ATP11A: variants seen among roughly 807,000 people sequenced by gnomAD.
The protein encoded by ATP11A is ATPase phospholipid transporting 11A.
In ATP11A, 81 loss-of-function variants were observed where a neutral mutation model predicts 154.4. The ratio of observed to expected loss-of-function variants is 0.52; its 90% CI spans 0.44 to 0.63. The LOEUF (loss-of-function observed/expected upper bound fraction) is 0.63, where lower values mean the gene tolerates loss of function less well. ATP11A is among the 30% of genes least tolerant of loss of function. The pLI, the probability that ATP11A is intolerant of heterozygous loss-of-function variation, is 0.00. For synonymous variants in ATP11A, 623 were observed against 585.9 expected (o/e 1.06, Z -0.91); for missense variants, 1,316 against 1,474.3 (o/e 0.89, Z 1.76).
Position 112,746,337 on chromosome 13 carries a change from G to C in ATP11A, c.40-38798G>C, listed in dbSNP as rs1241985960. On this transcript the variant is annotated intron_variant, in intron 1 of 29. Coordinates refer to ENST00000375645, the MANE Select transcript of ATP11A (RefSeq NM_015205.3). This position sits in a 1 kb window ranked among gnomAD's most constrained non-coding sequence, Gnocchi z 4.1. ...GCTCCGGTTCCCCACGTCCTCACCG[G>C]GTAACTGGGGTTCCGGCTCCCCACG... 6.6e-6 allele frequency: 1 copy of C among 152,056 alleles called. No homozygotes were observed. The allele number at this position is 152,056 out of a possible 1,614,324, so 9.4% of individuals were successfully genotyped here.
chr13:112,828,605 G>T (rs893367618), intron 12 of ATP11A, among the ~76,000 whole-genome samples: 3 of 152,210 alleles, frequency 2.0e-5, no homozygotes, highest in African/African-American at 4.8e-5. Context: ...GAGTGCAAGG[G>T]AAAGCGCCCA....
chr13:112,823,483 C>A, intron 9 of ATP11A, 74 bp downstream of exon 9: 1 of 1,270,288 alleles, frequency 7.9e-7, no homozygotes, highest in Non-Finnish European at 1.1e-6. Flanking sequence ...AAACCCGCAG[C>A]GGAACCCGAG....
intron 1 of ATP11A, among the ~76,000 whole-genome samples, chr13:112,779,294 T>TGAGTAGCCGCTGGAGTGAG (rs1284118974): frequency 2.4e-4 from 26 of 106,192 alleles, no homozygotes; most frequent in African/African-American, 9.4e-4. Flanking sequence ...GCCACTGGGG[T>TGAGTAGCCGCTGGAGTGAG]GAGTAGCCGC....
chr13:112,810,782 A>G, intron 5 of ATP11A, 56 bp downstream of exon 5: 1 of 1,539,070 alleles, frequency 6.5e-7, no homozygotes, highest in East Asian at 2.3e-5. Context: ...TTTAAAAAAT[A>G]AGTTTTACCC....
At chr13:112,869,488 G>A (rs2080443880) in intron 25 of ATP11A, among the ~76,000 whole-genome samples, 1 of 152,228 alleles carries the variant, frequency 6.6e-6, no homozygotes, top group Admixed American at 6.5e-5. Context: ...TGAGTTGACT[G>A]CAGTTATCAC....
chr13:112,776,794 G>A (rs1208775512), intron 1 of ATP11A, among the ~76,000 whole-genome samples: 3 of 151,944 alleles, frequency 2.0e-5, no homozygotes, highest in Non-Finnish European at 2.9e-5. Context: ...ACGAGGTTTC[G>A]CCATATTGGC....
At chr13:112,708,070 GA>G (rs1887352019) in intron 1 of ATP11A, among the ~76,000 whole-genome samples, 1 of 152,150 alleles carries the variant, frequency 6.6e-6, no homozygotes, top group South Asian at 2.1e-4. Flanking sequence ...TTCAAAAGTG[GA>G]AAAATTGGGC....
intron 25 of ATP11A, among the ~76,000 whole-genome samples, chr13:112,870,578 C>A (rs936831587): frequency 7.2e-5 from 11 of 152,206 alleles, no homozygotes; most frequent in Non-Finnish European, 1.3e-4. Flanking sequence ...GGGGTTTCAC[C>A]ATGTTGGCCA....
At position 112,735,686 on chromosome 13, in the gene ATP11A, G is replaced by C. The variant is rs189797271; in HGVS notation, c.39+45231G>C. ...AAGTGCTAAGTGGTCACAGGGCTTA[G>C]AATCCTGCACCGTGCATCCTCAAAT... On this transcript the variant is annotated intron_variant, in intron 1 of 29. Transcript: ENST00000375645. 1.4e-4 allele frequency among the ~76,000 whole-genome samples: 21 copies of C among 152,300 alleles called. 1 individual carries two copies. The East Asian group carries it at 2.9e-3, about 21-fold the overall frequency.
chr13:112,829,840 A>G (rs773897219), intron 12 of ATP11A, among the ~76,000 whole-genome samples: 21 of 152,258 alleles, frequency 1.4e-4, no homozygotes, highest in Non-Finnish European at 2.4e-4. Context: ...AATTCACTAA[A>G]TTTGCAGGAT....
At chr13:112,844,876 A>G (rs1198576615) in intron 17 of ATP11A, among the ~76,000 whole-genome samples, 1 of 151,248 alleles carries the variant, frequency 6.6e-6, no homozygotes, top group Non-Finnish European at 1.5e-5. Flanking sequence ...AGTACTAATC[A>G]GTCCAGTTGC....
chr13:112,769,542 T>C (rs1436368408), intron 1 of ATP11A, among the ~76,000 whole-genome samples: 1 of 152,208 alleles, frequency 6.6e-6, no homozygotes, highest in Admixed American at 6.5e-5. Flanking sequence ...TTCTAATGCC[T>C]GAGTTTATAG....
chr13:112,852,548 G>A (rs909809877), intron 18 of ATP11A, among the ~76,000 whole-genome samples: 3 of 152,216 alleles, frequency 2.0e-5, no homozygotes, highest in Non-Finnish European at 4.4e-5. Flanking sequence ...CTTTGCTGCT[G>A]GGGGCTGCGT....
At chr13:112,722,773 G>A (rs892975240) in intron 1 of ATP11A, among the ~76,000 whole-genome samples, 54 of 152,154 alleles carry the variant, frequency 3.5e-4, no homozygotes, top group Non-Finnish European at 1.0e-4. Context: ...GAGAACCATC[G>A]AGGAAGTGGT....
intron 1 of ATP11A, among the ~76,000 whole-genome samples, chr13:112,749,311 C>T (rs4907752): frequency 0.014 from 2,120 of 152,304 alleles, 45 homozygotes; most frequent in African/African-American, 0.04. Flanking sequence ...AAATTAAGAA[C>T]TTCTGCCACG....
chr13:112,863,544 T>C (rs986234493), intron 25 of ATP11A, among the ~76,000 whole-genome samples: 1 of 149,544 alleles, frequency 6.7e-6, no homozygotes, highest in African/African-American at 2.5e-5. Flanking sequence ...CACGTGCAGC[T>C]TCCCAGCGGG....
At position 112,852,973 on chromosome 13, in the gene ATP11A, C is replaced by G. The variant is rs147797199; in HGVS notation, c.1992-1306C>G. ...CGGTGGAGCACGCTTGTAATCCTCG[C>G]AATTTGGGAGGCTGATGCAGGAGGA... is the stretch of plus-strand genomic sequence containing the variant. On this transcript the variant is annotated intron_variant, in intron 18 of 29. Coordinates refer to ENST00000375645, the MANE Select transcript of ATP11A (RefSeq NM_015205.3). Among the ~76,000 whole-genome samples the G allele has an allele frequency of 2.6e-4, 40 of 152,280 alleles. No individual in the cohort carries two copies. In the East Asian group the frequency reaches 6.4e-3, roughly 24 times the overall value.
chr13:112,849,853 C>T (rs927892998), intron 17 of ATP11A, among the ~76,000 whole-genome samples: 1 of 152,194 alleles, frequency 6.6e-6, no homozygotes, highest in Non-Finnish European at 1.5e-5. Context: ...GGTGGCTGAG[C>T]AGCGTCTGTT....
chr13:112,817,750 C>T (rs2140189454), intron 6 of ATP11A, among the ~76,000 whole-genome samples: 1 of 152,352 alleles, frequency 6.6e-6, no homozygotes, highest in Admixed American at 6.5e-5. Flanking sequence ...GTTAAAACAG[C>T]TATTGCACTT....
Sources: allele counts gnomAD v4.1 joint callset (sites outside exome capture counted in the v4.1 genomes callset), GRCh38; gene constraint gnomAD v4.1.1; non-coding constraint Gnocchi (gnomAD v3.1); transcripts MANE v1.5; gene names NCBI Gene and HGNC (gene_info 2026-07-23, HGNC 2026-07-21).